ADAMTS7: variants seen among roughly 807,000 people sequenced by gnomAD.
ADAMTS7 encodes the protein ADAM metallopeptidase with thrombospondin type 1 motif 7.
Under a neutral mutation model 172.6 loss-of-function variants are expected in ADAMTS7, and 89 were observed. The observed-to-expected ratio is 0.52, with a 90% CI of 0.43 to 0.61. The LOEUF is 0.61. ADAMTS7 is among the 20% of genes least tolerant of loss of function. The pLI, the probability that ADAMTS7 is intolerant of heterozygous loss-of-function variation, is 0.00. For synonymous variants in ADAMTS7, 885 were observed against 978.4 expected, an observed-to-expected ratio of 0.90 and a Z score of 1.78; for missense variants, 1,973 against 2,355.6, an observed-to-expected ratio of 0.84 and a Z score of 3.36.
intron 1 of ADAMTS7, among the ~76,000 whole-genome samples, chr15:78,806,932 A>G (rs1180188091): frequency 6.6e-6 from 1 of 151,648 alleles, no homozygotes; most frequent in Admixed American, 6.6e-5. Flanking sequence ...ATGCCCAACT[A>G]ATTTTTGTAT....
chr15:78,773,880 C>G (rs2141485906), intron 13 of ADAMTS7, among the ~76,000 whole-genome samples: 1 of 152,326 alleles, frequency 6.6e-6, no homozygotes, highest in South Asian at 2.1e-4. Context: ...GGTGCTGGTG[C>G]AGGCATCCAG....
At chr15:78,808,104 C>CCAAG (rs1299404991) in intron 1 of ADAMTS7, among the ~76,000 whole-genome samples, 1 of 152,124 alleles carries the variant, frequency 6.6e-6, no homozygotes, top group African/African-American at 2.4e-5. Context: ...GATCTGCCTA[C>CCAAG]CTTGGCCTCC....
At chr15:78,770,514 TG>T (rs1158428480) in intron 16 of ADAMTS7, 1 of 8,638 alleles carries the variant, frequency 1.2e-4, no homozygotes, top group Non-Finnish European at 2.1e-4. Flanking sequence ...ACTAGGGGGC[TG>T]GGGGGAGACC....
intron 1 of ADAMTS7, 54 bp downstream of exon 1, chr15:78,811,067 G>A (rs1359863060): frequency 9.0e-6 from 11 of 1,227,728 alleles, no homozygotes; most frequent in Non-Finnish European, 1.1e-5. Context: ...ACCGAGACTG[G>A]GGGAGCGGGA....
chr15:78,781,825 T>C (rs1488497440), intron 8 of ADAMTS7, among the ~76,000 whole-genome samples: 2 of 152,238 alleles, frequency 1.3e-5, no homozygotes, highest in Admixed American at 1.3e-4. Flanking sequence ...CCATCCCATC[T>C]ATCACTTGGT....
At chr15:78,799,652 G>C (rs1380414341) in intron 2 of ADAMTS7, among the ~76,000 whole-genome samples, 5 of 151,854 alleles carry the variant, frequency 3.3e-5, no homozygotes, top group Non-Finnish European at 7.4e-5. Flanking sequence ...CAGTTACTTA[G>C]TCCAGTCAAA....
chr15:78,798,070 G>T lies in ADAMTS7; in HGVS notation c.500C>A (p.Pro167His). Reference protein sequence around the residue: ...QLSNEDYFIEPLDSAPARPGH... With the variant: ...QLSNEDYFIEHLDSAPARPGH... The stretch of plus-strand genomic sequence containing the variant: ...AGGCCGGGCCGGGGCACTGTCCAGG[G>T]GCTCAATGAAGTAGTCCTCGTTGGA... The change falls in exon 3 of 24, where the codon CCC (proline) becomes CAC (histidine). Residue 167 changes from proline to histidine, a missense_variant. Pro to His is a moderately conservative substitution (Grantham distance 77, BLOSUM62 -2). Around this residue, in one of 8 missense-constraint regions of ADAMTS7, gnomAD observed 306 missense variants for 288.0 expected, o/e 1.06. Coordinates refer to ENST00000388820, the MANE Select transcript of ADAMTS7 (RefSeq NM_014272.5). 1.3e-6 allele frequency: 2 copies of T among 1,567,448 alleles called. No individual in the cohort carries two copies. The highest frequency in any genetic ancestry group is 1.7e-6 in the Non-Finnish European group (2 of 1,164,320).
intron 8 of ADAMTS7, among the ~76,000 whole-genome samples, chr15:78,786,800 T>C (rs2055508369): frequency 6.6e-6 from 1 of 152,188 alleles, no homozygotes; most frequent in South Asian, 2.1e-4. Flanking sequence ...TGCATACAAG[T>C]TAATACAGCT....
chr15:78,797,927 A>C, intron 3 of ADAMTS7, 21 bp downstream of exon 3: 2 of 1,589,826 alleles, frequency 1.3e-6, no homozygotes, highest in Non-Finnish European at 1.7e-6. Context: ...CCACCCGAGA[A>C]CTGGGAGCAG....
chr15:78,791,608 G>GC, intron 4 of ADAMTS7, among the ~76,000 whole-genome samples: 1 of 152,334 alleles, frequency 6.6e-6, no homozygotes, highest in East Asian at 1.9e-4. Flanking sequence ...CTGTCGCAGG[G>GC]CCCTAGTCCT....
chr15:78,764,165 G>T, intron 20 of ADAMTS7, 66 bp from the exon 21 acceptor site: 1 of 1,431,292 alleles, frequency 7.0e-7, no homozygotes, highest in Non-Finnish European at 9.2e-7. Context: ...ACCCCGTGAG[G>T]TGTGTGGCGG....
At chr15:78,785,991 G>A (rs1320740665) in intron 8 of ADAMTS7, among the ~76,000 whole-genome samples, 5 of 149,670 alleles carry the variant, frequency 3.3e-5, no homozygotes, top group African/African-American at 7.3e-5. Context: ...GTGCAGTGGC[G>A]CGATCTTGGC....
Position 78,764,608 on chromosome 15 carries a change from G to T in ADAMTS7, c.4366C>A (p.Arg1456Ser). The change falls in exon 20 of 24, where the codon CGC becomes AGC. Residue 1456 changes from arginine to serine, a missense_variant. By Grantham distance (110) the Arg-to-Ser change is moderately radical. Around this residue, in one of 8 missense-constraint regions of ADAMTS7, gnomAD observed 218 missense variants for 216.9 expected, o/e 1.01. Transcript: ENST00000388820. The stretch of plus-strand genomic sequence containing the variant: ...GCACAGGGCCGCAGGTGGCAGCGGC[G>T]GGCAGGCTGGGGCCGGCCAGCGGGG... ...CAPAGRPQPA[R>S]RCHLRPCATW... The T allele has an allele frequency of 6.4e-6, 10 of 1,551,018 alleles. No individual in the cohort carries two copies. The highest frequency in any genetic ancestry group is 8.7e-6 in the Non-Finnish European group (10 of 1,155,892).
At chr15:78,784,905 C>G (rs1281793995) in intron 8 of ADAMTS7, among the ~76,000 whole-genome samples, 1 of 151,764 alleles carries the variant, frequency 6.6e-6, no homozygotes, top group Non-Finnish European at 1.5e-5. Flanking sequence ...GACAGGCAAA[C>G]CATTTACCTC....
intron 17 of ADAMTS7, 130 bp from the exon 18 acceptor site, chr15:78,767,722 T>C: frequency 1.2e-6 from 1 of 856,282 alleles, no homozygotes; most frequent in Non-Finnish European, 1.8e-6. Context: ...GGCCAGTGGT[T>C]GATTCTCCAG....
intron 8 of ADAMTS7, among the ~76,000 whole-genome samples, chr15:78,777,892 G>T (rs529910640): frequency 2.0e-5 from 3 of 152,182 alleles, no homozygotes; most frequent in Admixed American, 6.5e-5. Flanking sequence ...CCACCAAGCC[G>T]TCATGTGGCC....
chr15:78,782,765 C>T (rs541314837), intron 8 of ADAMTS7, among the ~76,000 whole-genome samples: 211 of 151,292 alleles, frequency 1.4e-3, no homozygotes, highest in African/African-American at 4.9e-3. Flanking sequence ...AGGGACCCCT[C>T]AGGGCCTTAG....
rs1596180231 is a variant in ADAMTS7 at position 78,771,911 on chromosome 15, C to T, written c.2132-82G>A. On this transcript the variant is annotated intron_variant, in intron 14 of 23. Transcript: ENST00000388820. The surrounding 1 kb of genome is among the most constrained non-coding windows in gnomAD (Gnocchi z 4.9). ...CACCCGCTCCCCTCATGTCTCTCCC[C>T]ACTTGCCTCCGCCTGCTGATGCCAA... The T allele has an allele frequency of 3.3e-6, 5 of 1,535,684 alleles. No individual in the cohort carries two copies. The Admixed American group carries it at 7.2e-5, about 22-fold the overall frequency.
Position 78,771,011 on chromosome 15 carries a change from G to C in ADAMTS7, c.2518+151C>G. On this transcript the variant is annotated intron_variant, in intron 16 of 23. Transcript: ENST00000388820. The surrounding 1 kb of genome is among the most constrained non-coding windows in gnomAD (Gnocchi z 4.9). ...AGCGGGCCTGGGACACAGGGCAATC[G>C]CTAGCCTCATCTCACAGATGGAGAA... 3.4e-6 allele frequency: 2 copies of C among 584,604 alleles called. No individual in the cohort carries two copies. Among genetic ancestry groups the C allele is most frequent in the Non-Finnish European group, 2.2e-6 (1 of 461,856 alleles). The allele number at this position is 584,604 out of a possible 1,614,324, so 36.2% of individuals were successfully genotyped here.
Sources: gnomAD v4.1 joint callset for allele counts (sites outside exome capture counted in the v4.1 genomes callset) on GRCh38, gnomAD v4.1.1 for gene constraint, gnomAD v4.1.1 regional missense constraint, Gnocchi (gnomAD v3.1) non-coding constraint, MANE v1.5 for transcripts, NCBI Gene and HGNC (gene_info 2026-07-23, HGNC 2026-07-21) for gene names.